Variants in DOK5 observed in about 807,000 individuals in gnomAD.
DOK5 encodes docking protein 5.
In DOK5, 27 loss-of-function variants were observed where a neutral mutation model predicts 43.3. The ratio of observed to expected loss-of-function variants is 0.62; its 90% CI spans 0.46 to 0.86. The LOEUF (loss-of-function observed/expected upper bound fraction) is 0.86, where lower values mean the gene tolerates loss of function less well. Ranked by LOEUF, DOK5 falls within the 40% of genes least tolerant of loss-of-function variation. The pLI, the probability that DOK5 is intolerant of heterozygous loss-of-function variation, is 0.00. For missense variants in DOK5, 373 were observed against 392.9 expected, an observed-to-expected ratio of 0.95 and a Z score of 0.43; for synonymous variants, 146 against 140.1, an observed-to-expected ratio of 1.04 and a Z score of -0.30.
intron 6 of DOK5, among the ~76,000 whole-genome samples, chr20:54,612,960 C>A (rs1463716781): frequency 6.6e-6 from 1 of 152,124 alleles, no homozygotes; most frequent in Non-Finnish European, 1.5e-5. Context: ...TCTTAAAGAC[C>A]CCTCTTAAAG....
At chr20:54,589,202 G>A (rs1985908205) in intron 4 of DOK5, among the ~76,000 whole-genome samples, 1 of 152,132 alleles carries the variant, frequency 6.6e-6, no homozygotes, top group Non-Finnish European at 1.5e-5. Context: ...CTTCAATTCT[G>A]TTAGCTCACT....
intron 5 of DOK5, among the ~76,000 whole-genome samples, chr20:54,608,286 C>T (rs148666087): frequency 1.4e-4 from 21 of 152,304 alleles, no homozygotes; most frequent in African/African-American, 4.3e-4. Context: ...GTGACCTCTG[C>T]CCCAGGGGAA....
intron 1 of DOK5, among the ~76,000 whole-genome samples, chr20:54,532,425 A>AAAGATAAG (rs1330314278): frequency 1.3e-5 from 2 of 152,190 alleles, no homozygotes; most frequent in Admixed American, 6.5e-5. Flanking sequence ...ATGATACATA[A>AAAGATAAG]AAGATAAGTA....
intron 2 of DOK5, among the ~76,000 whole-genome samples, chr20:54,560,366 T>C (rs888404732): frequency 6.6e-6 from 1 of 152,206 alleles, no homozygotes; most frequent in African/African-American, 2.4e-5. Flanking sequence ...AAAGAGGACA[T>C]GACTCTTCAC....
intron 1 of DOK5, among the ~76,000 whole-genome samples, chr20:54,531,145 A>G (rs965895182): frequency 6.6e-6 from 1 of 152,214 alleles, no homozygotes; most frequent in African/African-American, 2.4e-5. Context: ...TTGCTTGCTT[A>G]GAGCCTTTGT....
intron 5 of DOK5, among the ~76,000 whole-genome samples, chr20:54,605,050 TAC>T (rs1188475504): frequency 7.5e-6 from 1 of 133,242 alleles, no homozygotes. Flanking sequence ...CACACACGTA[TAC>T]ACACACACAC....
At chr20:54,602,458 G>A (rs748189440) in intron 5 of DOK5, among the ~76,000 whole-genome samples, 6 of 152,104 alleles carry the variant, frequency 3.9e-5, no homozygotes, top group South Asian at 2.1e-4. Context: ...CAGTAGAGGC[G>A]ATGTTAAATA....
chr20:54,623,631 G>A (rs1987053358), intron 6 of DOK5, among the ~76,000 whole-genome samples: 1 of 152,078 alleles, frequency 6.6e-6, no homozygotes, highest in Admixed American at 6.5e-5. Flanking sequence ...CCAGGCTGGA[G>A]TACAGTGGTG....
chr20:54,524,964 T>C (rs767224463), intron 1 of DOK5, among the ~76,000 whole-genome samples: 9 of 152,216 alleles, frequency 5.9e-5, no homozygotes, highest in Non-Finnish European at 8.8e-5. Flanking sequence ...AGGACAGCCC[T>C]TTGGAGAAGA....
chr20:54,550,142 TACTC>T (rs1396088504), intron 1 of DOK5, among the ~76,000 whole-genome samples: 2 of 148,140 alleles, frequency 1.4e-5, no homozygotes, highest in Non-Finnish European at 3.0e-5. Context: ...TTCTTAAAGT[TACTC>T]ACTCTGGTCG....
At chr20:54,537,163 C>G (rs921584985) in intron 1 of DOK5, among the ~76,000 whole-genome samples, 1 of 152,186 alleles carries the variant, frequency 6.6e-6, no homozygotes, top group Non-Finnish European at 1.5e-5. Flanking sequence ...CGTCAAGTAT[C>G]AAGTATGATT....
intron 5 of DOK5, among the ~76,000 whole-genome samples, chr20:54,593,175 G>C (rs557990592): frequency 6.6e-6 from 1 of 151,696 alleles, no homozygotes; most frequent in Admixed American, 6.6e-5. Context: ...GGAGAATGGC[G>C]TGAACCTGGG....
chr20:54,546,406 T>A (rs578153819), intron 1 of DOK5, among the ~76,000 whole-genome samples: 11 of 152,280 alleles, frequency 7.2e-5, no homozygotes, highest in African/African-American at 1.9e-4. Context: ...TATCTTTTTT[T>A]TTATTATTAT....
intron 5 of DOK5, among the ~76,000 whole-genome samples, chr20:54,604,476 A>G (rs548131016): frequency 6.6e-6 from 1 of 151,872 alleles, no homozygotes; most frequent in South Asian, 2.1e-4. Context: ...TGCAACCATG[A>G]TATTATTCTC....
rs1359581597 is a variant in DOK5 at position 54,554,942 on chromosome 20, C to T, written c.76C>T (p.Arg26Ter). The change falls in exon 2 of 8, where the codon CGA becomes TGA. Residue 26 changes from arginine to a stop codon, truncating the protein, a stop_gained. Transcript: ENST00000262593. LOFTEE classifies it high-confidence loss of function. Reference protein sequence around the residue: ...IRSRRLGIYQRCWLVFKKASS... With the variant: ...IRSRRLGIYQ ...TTGTATTTCCTTCCAGATTTATCAG[C>T]GATGCTGGTTAGTATTCAAGAAAGC... is the stretch of plus-strand genomic sequence containing the variant. The T allele has an allele frequency of 7.5e-6, 12 of 1,609,800 alleles. No homozygotes were observed. The highest frequency in any genetic ancestry group is 9.4e-6 in the Non-Finnish European group (11 of 1,176,320).
At chr20:54,501,800 A>T (rs1234775718) in intron 1 of DOK5, among the ~76,000 whole-genome samples, 2 of 152,248 alleles carry the variant, frequency 1.3e-5, no homozygotes, top group Non-Finnish European at 2.9e-5. Context: ...TGTGTTCAGC[A>T]CATTAATAAA....
Position 54,513,474 on chromosome 20 carries a change from A to C in DOK5, c.66+37462A>C, listed in dbSNP as rs1284563140. On this transcript the variant is annotated intron_variant, in intron 1 of 7. Coordinates refer to ENST00000262593, the MANE Select transcript of DOK5 (RefSeq NM_018431.5). Reference sequence around the variant, plus strand: ...TAAATACTCTGAGCAAAAAAAAAAAAAAAAAAAAAAAAAACCCAACATCCA... The same window carrying C: ...TAAATACTCTGAGCAAAAAAAAAAACAAAAAAAAAAAAAACCCAACATCCA... Among the ~76,000 whole-genome samples the C allele has an allele frequency of 2.5e-4, 37 of 150,706 alleles. 1 individual carries two copies. Among genetic ancestry groups the C allele is most frequent in the Admixed American group, 1.8e-3 (27 of 15,170 alleles).
chr20:54,511,076 A>T (rs538624935), intron 1 of DOK5, among the ~76,000 whole-genome samples: 2 of 152,322 alleles, frequency 1.3e-5, no homozygotes, highest in East Asian at 1.9e-4. Flanking sequence ...ATTAAGCTTT[A>T]CCTTGACTTC....
intron 2 of DOK5, among the ~76,000 whole-genome samples, chr20:54,569,338 G>T (rs1985209496): frequency 6.6e-6 from 1 of 152,016 alleles, no homozygotes; most frequent in African/African-American, 2.4e-5. Flanking sequence ...CTCATGTTTT[G>T]ACTATAATTC....
Sources: gnomAD v4.1 joint callset for allele counts (sites outside exome capture counted in the v4.1 genomes callset) on GRCh38, gnomAD v4.1.1 for gene constraint, MANE v1.5 for transcripts, NCBI Gene and HGNC (gene_info 2026-07-23, HGNC 2026-07-21) for gene names.